Variants in SOX6 observed in about 807,000 individuals in gnomAD.
SOX6 encodes the protein SRY-box transcription factor 6.
Under a neutral mutation model 97.8 loss-of-function variants are expected in SOX6, and 11 were observed. That is an observed-to-expected ratio of 0.11 (90% confidence interval 0.07 to 0.19). The LOEUF (loss-of-function observed/expected upper bound fraction) is 0.19. Ranked by LOEUF, SOX6 falls within the 10% of genes least tolerant of loss-of-function variation. SOX6 has a pLI of 1.00. For missense variants in SOX6, 810 were observed against 1,039.5 expected, an observed-to-expected ratio of 0.78 and a Z score of 3.04; for synonymous variants, 360 against 371.4, an observed-to-expected ratio of 0.97 and a Z score of 0.35.
chr11:16,590,523 T>C (rs139312353), intron 4 of SOX6, among the ~76,000 whole-genome samples: 1 of 152,232 alleles, frequency 6.6e-6, no homozygotes, highest in Non-Finnish European at 1.5e-5. Flanking sequence ...CAGTGCTACA[T>C]GATAATGAAA....
intron 4 of SOX6, among the ~76,000 whole-genome samples, chr11:16,227,036 C>T (rs922390922): frequency 6.6e-6 from 1 of 152,126 alleles, no homozygotes; most frequent in Non-Finnish European, 1.5e-5. Context: ...CGACCCTGAA[C>T]AAGATACCTA....
chr11:16,622,931 GTTTGT>G (rs1331446134), intron 3 of SOX6, among the ~76,000 whole-genome samples: 1 of 151,836 alleles, frequency 6.6e-6, no homozygotes, highest in Non-Finnish European at 1.5e-5. Flanking sequence ...ATTTCTTTTT[GTTTGT>G]TTTGTTTTCT....
Position 16,405,370 on chromosome 11 carries a change from G to T in SOX6, c.-4-64118C>A, listed in dbSNP as rs117113457. Among the ~76,000 whole-genome samples the T allele has an allele frequency of 1.2e-3, 182 of 152,084 alleles. 1 individual carries two copies. In the East Asian group the frequency reaches 0.024, roughly 20 times the overall value. On this transcript the variant is annotated intron_variant, in intron 1 of 15. Transcript: ENST00000396356. ...TGACCTACCGCCAGGTGACCACACT[G>T]CTGTGCACAATAATAAGGACCTTTC...
intron 4 of SOX6, among the ~76,000 whole-genome samples, chr11:16,496,315 A>AT (rs1189894448): frequency 1.4e-4 from 2 of 13,962 alleles, no homozygotes; most frequent in Non-Finnish European, 3.2e-4. Context: ...GAGAACATGG[A>AT]TTAAAAAAAA....
intron 1 of SOX6, among the ~76,000 whole-genome samples, chr11:16,352,441 T>C (rs1193284600): frequency 6.6e-6 from 1 of 152,060 alleles, no homozygotes; most frequent in Admixed American, 6.6e-5. Flanking sequence ...CTCTAGAAGT[T>C]AAATAATGTC....
chr11:16,610,818 A>C lies in SOX6; in HGVS notation n.609+1263T>G, dbSNP rs1233050728. Among the ~76,000 whole-genome samples, 1 of 152,164 alleles carries C rather than the reference A, an allele frequency of 6.6e-6. No individual in the cohort carries two copies. Among genetic ancestry groups the C allele is most frequent in the African/African-American group, 2.4e-5 (1 of 41,458 alleles). On this transcript the variant is annotated intron_variant and non_coding_transcript_variant, in intron 4 of 5. Coordinates refer to the SOX6 transcript ENST00000524520. This position sits in a 1 kb window ranked among gnomAD's most constrained non-coding sequence, Gnocchi z 4.4. ...GAGGCGGAGAGCGCAGCAGCCTGCT[A>C]AAGTAAAGTGCTGGGCTCTCCACCT...
intron 4 of SOX6, among the ~76,000 whole-genome samples, chr11:16,483,317 G>A (rs1431321701): frequency 2.0e-5 from 3 of 152,016 alleles, no homozygotes; most frequent in Non-Finnish European, 4.4e-5. Flanking sequence ...ATTACAAAGT[G>A]GTAGGTTTTA....
chr11:16,370,796 C>A (rs970399353), intron 1 of SOX6, among the ~76,000 whole-genome samples: 18 of 152,098 alleles, frequency 1.2e-4, no homozygotes, highest in African/African-American at 4.3e-4. Context: ...CAAATCCAAT[C>A]TGTCAGAAAG....
intron 6 of SOX6, among the ~76,000 whole-genome samples, chr11:16,162,366 A>T (rs985500235): frequency 6.6e-6 from 1 of 152,172 alleles, no homozygotes; most frequent in South Asian, 2.1e-4. Flanking sequence ...CCCTTGATAT[A>T]GTTTGGATAT....
chr11:16,016,135 T>A (rs1854875901), intron 12 of SOX6, among the ~76,000 whole-genome samples: 1 of 152,082 alleles, frequency 6.6e-6, no homozygotes, highest in Non-Finnish European at 1.5e-5. Context: ...TTTAGAAACT[T>A]GGAAATATTC....
chr11:16,586,265 G>T (rs1040391703), intron 4 of SOX6, among the ~76,000 whole-genome samples: 2 of 150,230 alleles, frequency 1.3e-5, no homozygotes, highest in African/African-American at 4.9e-5. Flanking sequence ...GCTGAAACAG[G>T]AAAAAAAAAT....
At chr11:16,034,294 C>A (rs1283637531) in intron 12 of SOX6, among the ~76,000 whole-genome samples, 1 of 152,126 alleles carries the variant, frequency 6.6e-6, no homozygotes, top group Non-Finnish European at 1.5e-5. Context: ...ACAAGACACC[C>A]TTTGTGTTAT....
At chr11:16,504,044 AAAATAAATAAATAAATAAAT>A (rs77343447) in intron 4 of SOX6, among the ~76,000 whole-genome samples, 36,473 of 139,504 alleles carry the variant, frequency 0.26, 5,127 homozygotes, top group Non-Finnish European at 0.31. Context: ...CTCCATCTCA[AAAATAAATAAATAAATAAAT>A]AAATAAATAA....
At chr11:16,223,249 C>A (rs897385638) in intron 4 of SOX6, among the ~76,000 whole-genome samples, 2 of 152,110 alleles carry the variant, frequency 1.3e-5, no homozygotes, top group Admixed American at 1.3e-4. Flanking sequence ...CCCCATTTCT[C>A]CCACCACAGT....
chr11:16,482,004 A>G (rs982024964), intron 4 of SOX6, among the ~76,000 whole-genome samples: 1 of 152,204 alleles, frequency 6.6e-6, no homozygotes, highest in African/African-American at 2.4e-5. Flanking sequence ...CAAATCTCTC[A>G]AATGTCTGGT....
Position 16,546,838 on chromosome 11 carries a change from G to A in SOX6, n.609+65243C>T, listed in dbSNP as rs370372894. On this transcript the variant is annotated intron_variant and non_coding_transcript_variant, in intron 4 of 5. Transcript: ENST00000524520. ...AATGAAGAGATAACCTGTGGAATGG[G>A]AGAAAATATTTGCAAACTAGTCATC... Among the ~76,000 whole-genome samples the A allele has an allele frequency of 4.3e-4, 65 of 152,228 alleles. 2 individuals carry two copies. In the South Asian group the frequency reaches 0.013, roughly 30 times the overall value.
chr11:16,698,442 C>T (rs553875879), intron 3 of SOX6, among the ~76,000 whole-genome samples: 1 of 152,156 alleles, frequency 6.6e-6, no homozygotes, highest in Admixed American at 6.6e-5. Flanking sequence ...TTGGTCTGAT[C>T]TTCCATCTGG....
At chr11:16,492,602 A>G (rs1860529445) in intron 4 of SOX6, among the ~76,000 whole-genome samples, 1 of 152,184 alleles carries the variant, frequency 6.6e-6, no homozygotes, top group Non-Finnish European at 1.5e-5. Context: ...CTTAATAAGA[A>G]GGAGGCTTTT....
chr11:16,181,928 A>G (rs1056383328), intron 6 of SOX6, among the ~76,000 whole-genome samples: 4 of 151,838 alleles, frequency 2.6e-5, no homozygotes, highest in African/African-American at 9.7e-5. Context: ...AACAAGAAAT[A>G]TCCACACATT....
Sources: allele counts gnomAD v4.1 joint callset (sites outside exome capture counted in the v4.1 genomes callset), GRCh38; gene constraint gnomAD v4.1.1; non-coding constraint Gnocchi (gnomAD v3.1); transcripts MANE v1.5; gene names NCBI Gene and HGNC (gene_info 2026-07-23, HGNC 2026-07-21).